Variants in EPS15L1 observed in about 807,000 individuals in gnomAD.
EPS15L1 encodes the protein epidermal growth factor receptor substrate 15-like 1.
EPS15L1 carries 43 observed loss-of-function variants against 117.1 expected under a neutral mutation model. The ratio of observed to expected loss-of-function variants is 0.37; its 90% CI spans 0.29 to 0.47. The LOEUF (loss-of-function observed/expected upper bound fraction) is 0.47, where lower values mean the gene tolerates loss of function less well. Ranked by LOEUF, EPS15L1 falls within the 20% of genes least tolerant of loss-of-function variation. The pLI is 0.99. For synonymous variants in EPS15L1, 459 were observed against 470.5 expected, an observed-to-expected ratio of 0.98 and a Z score of 0.32; for missense variants, 981 against 1,164.0, an observed-to-expected ratio of 0.84 and a Z score of 2.29.
chr19:16,445,167 A>T (rs1347794898), intron 1 of EPS15L1, among the ~76,000 whole-genome samples: 1 of 152,242 alleles, frequency 6.6e-6, no homozygotes, highest in Non-Finnish European at 1.5e-5. Context: ...AATGAGCAAC[A>T]AGATCCGCAA....
In EPS15L1 at chr19:16,425,000, G is replaced by A. The variant is rs531364840; in HGVS notation, c.792+83C>T. 30 of 1,195,598 alleles carry A rather than the reference G, an allele frequency of 2.5e-5. No homozygotes were observed. In the East Asian group the frequency reaches 5.6e-4, roughly 22 times the overall value. The allele number at this position is 1,195,598 out of a possible 1,614,324, so 74.1% of individuals were successfully genotyped here. ...AAGACATTTCATCACAAGCTTGACC[G>A]TTCTGGGGTTGCATGTTAAGAACTC... is the stretch of plus-strand genomic sequence containing the variant. On this transcript the variant is annotated intron_variant, in intron 9 of 23. Transcript: ENST00000455140.
intron 20 of EPS15L1, among the ~76,000 whole-genome samples, chr19:16,385,515 G>A (rs767014421): frequency 1.3e-5 from 2 of 152,196 alleles, no homozygotes; most frequent in African/African-American, 4.8e-5. Flanking sequence ...AATGGGTCAG[G>A]AGGCGAGGAG....
At chr19:16,433,435 A>T (rs1178029483) in intron 7 of EPS15L1, among the ~76,000 whole-genome samples, 1 of 152,086 alleles carries the variant, frequency 6.6e-6, no homozygotes, top group Non-Finnish European at 1.5e-5. Flanking sequence ...CCAGGCTAAG[A>T]CTTTCTTTAA....
chr19:16,421,521 G>A (rs779375505), intron 9 of EPS15L1, 45 bp from the exon 10 acceptor site: 4 of 1,572,286 alleles, frequency 2.5e-6, no homozygotes, highest in Non-Finnish European at 3.5e-6. Flanking sequence ...AGCTTTTTAT[G>A]ACCCCCAGAC....
chr19:16,468,561 G>T (rs552494110), intron 1 of EPS15L1, among the ~76,000 whole-genome samples: 7 of 152,256 alleles, frequency 4.6e-5, no homozygotes, highest in African/African-American at 1.7e-4. Context: ...GGCCAGGCTG[G>T]TCTCGAGCTC....
chr19:16,428,676 G>C, intron 8 of EPS15L1, 26 bp downstream of exon 8: 1 of 1,600,448 alleles, frequency 6.2e-7, no homozygotes, highest in South Asian at 1.1e-5. Flanking sequence ...TCCTGGGCTG[G>C]GTGGGGAGGA....
intron 23 of EPS15L1, chr19:16,361,510 C>T: frequency 9.8e-7 from 1 of 1,019,842 alleles, no homozygotes; most frequent in Non-Finnish European, 1.2e-6. Context: ...ATGAATCTAC[C>T]GTGAAGGACA....
chr19:16,365,580 G>A lies in EPS15L1; in HGVS notation c.2381-3596C>T, dbSNP rs924526121. ...TGAGCAGGGAGCCACCAAAGCCACC[G>A]GCAGGGGCACCCTGGGGGACAGTGT... On this transcript the variant is annotated intron_variant, in intron 22 of 23. Coordinates refer to ENST00000455140, the MANE Select transcript of EPS15L1 (RefSeq NM_001258374.3). This position sits in a 1 kb window ranked among gnomAD's most constrained non-coding sequence, Gnocchi z 4.9. Among the ~76,000 whole-genome samples, 3 of 152,308 alleles carry A rather than the reference G, an allele frequency of 2.0e-5. No individual in the cohort carries two copies. The highest frequency in any genetic ancestry group is 1.9e-4 in the East Asian group (1 of 5,188).
rs1470040796 is a variant in EPS15L1, at chr19:16,383,100, G to C, written c.2247+2029C>G. The C allele has an allele frequency of 6.6e-6, 1 of 152,188 alleles. No homozygotes were observed. Among genetic ancestry groups the C allele is most frequent in the Non-Finnish European group, 1.5e-5 (1 of 68,038 alleles). The allele number at this position is 152,188 out of a possible 1,614,324, so 9.4% of individuals were successfully genotyped here. A position where few individuals can be genotyped will look rare whatever the true frequency, so the allele number is the denominator to read the frequency against. On this transcript the variant is annotated intron_variant, in intron 21 of 23. Transcript: ENST00000455140. This position sits in a 1 kb window ranked among gnomAD's most constrained non-coding sequence, Gnocchi z 5.2. ...AGGTCAGGGTTGAGCTCAGAATGCGGCTGTACAAGTGTCATGAAGGCAGCT... is the reference window on the plus strand; with the variant it reads ...AGGTCAGGGTTGAGCTCAGAATGCGCCTGTACAAGTGTCATGAAGGCAGCT...
intron 1 of EPS15L1, among the ~76,000 whole-genome samples, chr19:16,457,569 C>T (rs940390018): frequency 5.9e-5 from 9 of 151,790 alleles, no homozygotes; most frequent in Non-Finnish European, 5.9e-5. Flanking sequence ...GAGGGGCGGG[C>T]GTGTAGGGAA....
intron 1 of EPS15L1, among the ~76,000 whole-genome samples, chr19:16,447,813 A>T (rs1874989706): frequency 6.6e-6 from 1 of 152,110 alleles, no homozygotes; most frequent in Admixed American, 6.6e-5. Context: ...AAGAATAATA[A>T]AGTGGAAAGA....
At chr19:16,469,599 A>T (rs2093331256) in intron 1 of EPS15L1, among the ~76,000 whole-genome samples, 1 of 152,150 alleles carries the variant, frequency 6.6e-6, no homozygotes, top group Non-Finnish European at 1.5e-5. Context: ...GTCAGAAAAG[A>T]GTATATAAGG....
chr19:16,404,959 C>G lies in EPS15L1; in HGVS notation c.1267-210G>C, dbSNP rs531943667. Among the ~76,000 whole-genome samples, 19 of 152,344 alleles carry G rather than the reference C, an allele frequency of 1.2e-4. No individual in the cohort carries two copies. The South Asian group carries it at 3.9e-3, about 32-fold the overall frequency. ...GCCACTGTCTCACCAGCTCCCTCAGCAGGTATTTCCCGATGGCCTAACAGA... is the reference window on the plus strand; with the variant it reads ...GCCACTGTCTCACCAGCTCCCTCAGGAGGTATTTCCCGATGGCCTAACAGA... On this transcript the variant is annotated intron_variant, in intron 13 of 23. Coordinates refer to ENST00000455140, the MANE Select transcript of EPS15L1 (RefSeq NM_001258374.3). The surrounding 1 kb of genome is among the most constrained non-coding windows in gnomAD (Gnocchi z 4.2).
chr19:16,417,430 C>T (rs2092768586), intron 12 of EPS15L1, 122 bp downstream of exon 12: 2 of 795,212 alleles, frequency 2.5e-6, no homozygotes, highest in South Asian at 3.1e-5. Context: ...TGTATCTTTT[C>T]CTTCCTTCTG....
intron 21 of EPS15L1, among the ~76,000 whole-genome samples, chr19:16,382,320 C>T (rs2092372237): frequency 6.6e-6 from 1 of 152,214 alleles, no homozygotes; most frequent in South Asian, 2.1e-4. Context: ...GGGGACTCAA[C>T]TCTTTCCTAC....
At chr19:16,388,575 C>A (rs915113167) in intron 19 of EPS15L1, among the ~76,000 whole-genome samples, 2 of 152,122 alleles carry the variant, frequency 1.3e-5, no homozygotes, top group African/African-American at 2.4e-5. Context: ...CGCCTGTAAT[C>A]CCAGCACTTT....
At chr19:16,417,299 C>A in intron 12 of EPS15L1, 1 of 467,772 alleles carries the variant, frequency 2.1e-6, no homozygotes, top group Non-Finnish European at 4.0e-6. Context: ...CAGCTGCCAC[C>A]CACAGGCTCT....
At chr19:16,449,529 T>C (rs187433932) in intron 1 of EPS15L1, among the ~76,000 whole-genome samples, 4 of 152,096 alleles carry the variant, frequency 2.6e-5, no homozygotes, top group Middle Eastern at 3.4e-3. Context: ...ACACTGCTGA[T>C]GGGAAAGTTA....
chr19:16,445,295 G>C (rs889817690), intron 1 of EPS15L1, among the ~76,000 whole-genome samples: 1 of 152,122 alleles, frequency 6.6e-6, no homozygotes, highest in Non-Finnish European at 1.5e-5. Flanking sequence ...GATGACCACC[G>C]GATGTCACTC....
Sources: allele counts gnomAD v4.1 joint callset (sites outside exome capture counted in the v4.1 genomes callset), GRCh38; gene constraint gnomAD v4.1.1; non-coding constraint Gnocchi (gnomAD v3.1); transcripts MANE v1.5; gene names NCBI Gene and HGNC (gene_info 2026-07-23, HGNC 2026-07-21).